The following POLA1 variants were observed in gnomAD, a reference collection of about 807,000 sequenced individuals.
The protein encoded by POLA1 is DNA polymerase alpha 1, catalytic subunit, also known as DNA polymerase alpha catalytic subunit.
In POLA1, 15 loss-of-function variants were observed where a neutral mutation model predicts 124.0. The ratio of observed to expected loss-of-function variants is 0.12; its 90% CI spans 0.08 to 0.19. The LOEUF (loss-of-function observed/expected upper bound fraction) is 0.19. Among genes scored for constraint, POLA1 ranks in the 10% least tolerant of loss-of-function variants. The pLI, the probability that POLA1 is intolerant of heterozygous loss-of-function variation, is 1.00. For synonymous variants in POLA1, 408 were observed against 389.4 expected (o/e 1.05, Z -0.56); for missense variants, 886 against 1,103.4 (o/e 0.80, Z 2.79).
Position 24,831,195 on chromosome X carries a change from G to A in POLA1, c.3736+4594G>A, listed in dbSNP as rs777211235. On this transcript the variant is annotated intron_variant, in intron 32 of 36. Coordinates refer to ENST00000379068, the MANE Select transcript of POLA1 (RefSeq NM_001330360.2). ...CTAAGAAATAAGTGCGACAGTGGGT[G>A]AAACAGGGCCAAGCGATGTTTGGGG... is the stretch of plus-strand genomic sequence containing the variant. Among the ~76,000 whole-genome samples the A allele has an allele frequency of 4.5e-5, 5 of 111,213 alleles. No homozygotes were observed. In the Admixed American group the frequency reaches 4.8e-4, roughly 11 times the overall value.
chrX:24,822,009 A>G (rs2046095580), intron 31 of POLA1, among the ~76,000 whole-genome samples: 1 of 111,395 alleles, frequency 9.0e-6, no homozygotes. Context: ...GATCCTATGA[A>G]CATACCCTAT....
chrX:24,787,961 A>T (rs2045397967), intron 26 of POLA1, among the ~76,000 whole-genome samples: 1 of 112,313 alleles, frequency 8.9e-6, no homozygotes, highest in Non-Finnish European at 1.9e-5. Flanking sequence ...AAAATCCCCA[A>T]TAAAATACTA....
intron 19 of POLA1, 107 bp from the exon 20 acceptor site, chrX:24,739,268 G>T (rs1931488093): frequency 3.8e-6 from 2 of 527,897 alleles, no homozygotes; most frequent in African/African-American, 2.3e-5. Context: ...ATGTATGGAA[G>T]AATGAGAGTT....
intron 26 of POLA1, among the ~76,000 whole-genome samples, chrX:24,784,925 C>T (rs187574651): frequency 9.0e-6 from 1 of 111,147 alleles, no homozygotes; most frequent in Non-Finnish European, 1.9e-5. Context: ...GAGAAGCGAC[C>T]GACTGACAGT....
At chrX:24,723,547 A>G (rs996279217) in intron 11 of POLA1, among the ~76,000 whole-genome samples, 2 of 112,740 alleles carry the variant, frequency 1.8e-5, no homozygotes, top group African/African-American at 6.4e-5. Context: ...CCTCATTTCC[A>G]TAATAATCAG....
intron 15 of POLA1, among the ~76,000 whole-genome samples, chrX:24,728,450 C>G (rs181860147): frequency 5.4e-5 from 6 of 112,035 alleles, no homozygotes; most frequent in South Asian, 7.5e-4. Flanking sequence ...TTACATGACT[C>G]TGTCTCTCAA....
At chrX:24,989,566 T>C (rs1364458543) in intron 36 of POLA1, among the ~76,000 whole-genome samples, 1 of 111,108 alleles carries the variant, frequency 9.0e-6, no homozygotes, top group African/African-American at 3.3e-5. Context: ...ACCACAGGCA[T>C]GCGCCACCAT....
intron 20 of POLA1, among the ~76,000 whole-genome samples, chrX:24,740,479 A>T (rs1931564454): frequency 8.9e-6 from 1 of 112,018 alleles, no homozygotes; most frequent in Non-Finnish European, 1.9e-5. Flanking sequence ...TCAATCCAGA[A>T]TCAGAGTTAT....
intron 24 of POLA1, among the ~76,000 whole-genome samples, chrX:24,746,394 A>G (rs935211582): frequency 8.9e-6 from 1 of 112,106 alleles, no homozygotes; most frequent in African/African-American, 3.2e-5. Flanking sequence ...CAGCATGGTG[A>G]TAATTAATAT....
intron 34 of POLA1, among the ~76,000 whole-genome samples, chrX:24,887,419 TATAAG>T (rs2147138004): frequency 8.9e-6 from 1 of 112,568 alleles, no homozygotes; most frequent in South Asian, 3.7e-4. Flanking sequence ...AGAAAGCACA[TATAAG>T]AGAATCTATT....
intron 36 of POLA1, among the ~76,000 whole-genome samples, chrX:24,946,259 C>T (rs1054053100): frequency 7.2e-5 from 8 of 111,210 alleles, no homozygotes; most frequent in African/African-American, 2.0e-4. Flanking sequence ...AGCAGCCTTC[C>T]GCAACTTTAT....
rs771156544 is a variant in POLA1 at position 24,990,809 on chromosome X, C to T, written c.4262-4996C>T. ...TTTAAATGCTCCACCTGCTGGGAGC[C>T]GAGGTTAGTCAGCAGCACTGAGATG... On this transcript the variant is annotated intron_variant, in intron 36 of 36. Coordinates refer to ENST00000379068, the MANE Select transcript of POLA1 (RefSeq NM_001330360.2). 9.0e-5 allele frequency among the ~76,000 whole-genome samples: 10 copies of T among 111,536 alleles called. No homozygotes were observed. In the Admixed American group the frequency reaches 9.5e-4, roughly 11 times the overall value.
At chrX:24,961,248 G>T (rs997423339) in intron 36 of POLA1, among the ~76,000 whole-genome samples, 7 of 111,363 alleles carry the variant, frequency 6.3e-5, no homozygotes, top group African/African-American at 2.3e-4. Context: ...CATCTTGCTT[G>T]GATGGCGTCC....
At chrX:24,995,152 G>A (rs1315211201) in intron 36 of POLA1, among the ~76,000 whole-genome samples, 18 of 111,734 alleles carry the variant, frequency 1.6e-4, no homozygotes, top group Non-Finnish European at 2.8e-4. Context: ...GTAGCATCCT[G>A]CTCAGAAGGG....
rs371424902 is a variant in POLA1, at chrX:24,858,136, C to T, written c.4047+14459C>T. On this transcript the variant is annotated intron_variant, in intron 34 of 36. Coordinates refer to ENST00000379068, the MANE Select transcript of POLA1 (RefSeq NM_001330360.2). ...TGGAAAGCAAAAATAACCATTGTAT[C>T]TTCTTCGTATTTATACATTTTTAGT... is the stretch of plus-strand genomic sequence containing the variant. Among the ~76,000 whole-genome samples, 3 of 112,185 alleles carry T rather than the reference C, an allele frequency of 2.7e-5. No individual in the cohort carries two copies. In the East Asian group the frequency reaches 8.4e-4, roughly 31 times the overall value.
intron 26 of POLA1, among the ~76,000 whole-genome samples, chrX:24,797,621 C>T (rs2045630814): frequency 8.9e-6 from 1 of 112,256 alleles, no homozygotes; most frequent in Non-Finnish European, 1.9e-5. Flanking sequence ...CTACGTCTAG[C>T]ACATGAGAAG....
intron 26 of POLA1, among the ~76,000 whole-genome samples, chrX:24,783,224 C>T (rs769341085): frequency 2.7e-3 from 304 of 111,731 alleles, no homozygotes; most frequent in Middle Eastern, 9.2e-3. Context: ...AGTGGTATCA[C>T]TGTCCATATA....
chrX:24,773,416 G>A (rs1440091457), intron 26 of POLA1, among the ~76,000 whole-genome samples: 2 of 111,818 alleles, frequency 1.8e-5, no homozygotes, highest in African/African-American at 6.5e-5. Flanking sequence ...TGAGAAGGAT[G>A]GCTATAAGTT....
chrX:24,974,208 G>A lies in POLA1; in HGVS notation c.4262-21597G>A, dbSNP rs1471909445. Reference sequence around the variant, plus strand: ...GGATGATTTTGCCTCCCCACCCGAGGGAACATTTGACAATGTCTGGAGACA... The same window carrying A: ...GGATGATTTTGCCTCCCCACCCGAGAGAACATTTGACAATGTCTGGAGACA... On this transcript the variant is annotated intron_variant, in intron 36 of 36. Coordinates refer to ENST00000379068, the MANE Select transcript of POLA1 (RefSeq NM_001330360.2). Among the ~76,000 whole-genome samples the A allele has an allele frequency of 4.5e-5, 5 of 111,113 alleles. No homozygotes were observed. The East Asian group carries it at 1.4e-3, about 32-fold the overall frequency.
Sources: allele counts gnomAD v4.1 joint callset (sites outside exome capture counted in the v4.1 genomes callset), GRCh38; gene constraint gnomAD v4.1.1; transcripts MANE v1.5; gene names NCBI Gene and HGNC (gene_info 2026-07-23, HGNC 2026-07-21).